The following GFRA1 variants were observed in gnomAD, a reference collection of about 807,000 sequenced individuals.
GFRA1 encodes the protein GDNF family receptor alpha-1.
A neutral mutation model predicts 51.6 loss-of-function variants in GFRA1; 16 were observed. That is an observed-to-expected ratio of 0.31 (90% confidence interval 0.21 to 0.47). GFRA1 has a LOEUF of 0.47. Among genes scored for constraint, GFRA1 ranks in the 20% least tolerant of loss-of-function variants. GFRA1 has a pLI of 1.00. For synonymous variants in GFRA1, 270 were observed against 241.3 expected (o/e 1.12, Z -1.10); for missense variants, 530 against 594.3 (o/e 0.89, Z 1.13).
chr10:116,169,909 T>G (rs1032128871), intron 5 of GFRA1, among the ~76,000 whole-genome samples: 21 of 152,092 alleles, frequency 1.4e-4, no homozygotes, highest in Admixed American at 5.9e-4. Context: ...ACACACACCC[T>G]CTGGGGCTCC....
chr10:116,194,500 T>C (rs76775007), intron 5 of GFRA1, among the ~76,000 whole-genome samples: 4,824 of 152,320 alleles, frequency 0.032, 96 homozygotes, highest in African/African-American at 0.063. Context: ...TTTGTCGATA[T>C]GCAACTAAGT....
rs185063063 is a variant in GFRA1, at chr10:116,128,555, C to A, written c.434-2998G>T. Among the ~76,000 whole-genome samples the A allele has an allele frequency of 2.2e-4, 33 of 152,010 alleles. 2 individuals are homozygous for A. The East Asian group carries it at 6.3e-3, about 29-fold the overall frequency. On this transcript the variant is annotated intron_variant, in intron 5 of 10. Coordinates refer to ENST00000355422, the MANE Select transcript of GFRA1 (RefSeq NM_005264.8). ...CCTGACTAACACAGTGAAACCCCGTCTCTACTAAAAATACAAAAACATTAG... is the reference window on the plus strand; with the variant it reads ...CCTGACTAACACAGTGAAACCCCGTATCTACTAAAAATACAAAAACATTAG...
At chr10:116,068,322 G>C (rs1345666474) in intron 9 of GFRA1, among the ~76,000 whole-genome samples, 2 of 152,192 alleles carry the variant, frequency 1.3e-5, no homozygotes, top group East Asian at 3.8e-4. Flanking sequence ...GAGAGGCTCT[G>C]GAGGAGTTCC....
chr10:116,083,750 T>C (rs537724629), intron 9 of GFRA1, among the ~76,000 whole-genome samples: 22 of 152,332 alleles, frequency 1.4e-4, no homozygotes, highest in Admixed American at 6.5e-5. Flanking sequence ...TGGTCTGGTC[T>C]GGCCCCATCT....
intron 5 of GFRA1, among the ~76,000 whole-genome samples, chr10:116,173,159 A>T (rs1961213402): frequency 2.0e-5 from 3 of 152,190 alleles, no homozygotes; most frequent in African/African-American, 7.2e-5. Context: ...ATCAATACAC[A>T]TTTAAAAGCA....
At chr10:116,089,671 T>C in intron 9 of GFRA1, 70 bp downstream of exon 9, 3 of 1,278,332 alleles carry the variant, frequency 2.3e-6, no homozygotes, top group East Asian at 2.3e-5. Flanking sequence ...TTTCAGAAAA[T>C]GGGTCTGCCC....
At chr10:116,190,715 G>C (rs1466975600) in intron 5 of GFRA1, among the ~76,000 whole-genome samples, 2 of 152,226 alleles carry the variant, frequency 1.3e-5, no homozygotes, top group Non-Finnish European at 2.9e-5. Context: ...AGGAAAAGAA[G>C]AGAAGGAGAA....
rs954755744 is a variant in GFRA1 at position 116,080,387 on chromosome 10, T to A, written c.1197+9354A>T. On this transcript the variant is annotated intron_variant, in intron 9 of 10. Coordinates refer to ENST00000355422, the MANE Select transcript of GFRA1 (RefSeq NM_005264.8). ...ATGAGAAGTTTCACAGTGCTACAAA[T>A]TGGGTGCAGTGTATACTGCCTGGGT... is the stretch of plus-strand genomic sequence containing the variant. Among the ~76,000 whole-genome samples the A allele has an allele frequency of 6.6e-5, 10 of 152,120 alleles. 1 individual carries two copies. The highest frequency in any genetic ancestry group is 1.3e-4 in the Non-Finnish European group (9 of 68,038).
At position 116,060,943 on chromosome 10, in the gene GFRA1, A is replaced by G. The variant is rs547918611; in HGVS notation, c.*3455T>C. 1 of 152,160 alleles carries G rather than the reference A, an allele frequency of 6.6e-6. No homozygotes were observed. Among genetic ancestry groups the G allele is most frequent in the South Asian group, 2.1e-4 (1 of 4,816 alleles). The allele number at this position is 152,160 out of a possible 1,614,324, so 9.4% of individuals were successfully genotyped here. On this transcript the variant is annotated 3_prime_UTR_variant, in exon 11 of 11. Transcript: ENST00000355422. Reference sequence around the variant, plus strand: ...AGAAAAGAATTCGCTAATTATATAAACTCCCACTGCTCTTACATCTCTTTT... The same window carrying G: ...AGAAAAGAATTCGCTAATTATATAAGCTCCCACTGCTCTTACATCTCTTTT...
rs576493512 is a variant in GFRA1 at position 116,173,653 on chromosome 10, C to T, written c.433+37978G>A. ...TTCAGAAAGTCTCCTCTATTCTAAA[C>T]GGAGGCCTAGAAACTGATTCAAAAC... On this transcript the variant is annotated intron_variant, in intron 5 of 10. Coordinates refer to ENST00000355422, the MANE Select transcript of GFRA1 (RefSeq NM_005264.8). Among the ~76,000 whole-genome samples, 12 of 152,276 alleles carry T rather than the reference C, an allele frequency of 7.9e-5. 1 individual carries two copies. In the South Asian group the frequency reaches 2.5e-3, roughly 32 times the overall value.
At chr10:116,259,838 C>T (rs1427301799) in intron 4 of GFRA1, among the ~76,000 whole-genome samples, 1 of 152,152 alleles carries the variant, frequency 6.6e-6, no homozygotes, top group Non-Finnish European at 1.5e-5. Context: ...CTCTCTGATC[C>T]CAGCTTTTCT....
intron 5 of GFRA1, among the ~76,000 whole-genome samples, chr10:116,139,472 C>T (rs1425764561): frequency 6.6e-6 from 1 of 152,224 alleles, no homozygotes; most frequent in African/African-American, 2.4e-5. Flanking sequence ...TGGACTTGTA[C>T]ACTAGCTAGT....
intron 4 of GFRA1, chr10:116,255,742 T>G: frequency 7.8e-7 from 1 of 1,289,130 alleles, no homozygotes; most frequent in South Asian, 1.2e-5. Context: ...CTTCTTTACA[T>G]GGCATTGCAC....
intron 5 of GFRA1, among the ~76,000 whole-genome samples, chr10:116,126,227 G>A (rs1957868558): frequency 6.6e-6 from 1 of 152,244 alleles, no homozygotes; most frequent in Admixed American, 6.5e-5. Flanking sequence ...GGCTCTATGA[G>A]TACTGAGGTT....
At chr10:116,111,600 C>T (rs1411618684) in intron 6 of GFRA1, among the ~76,000 whole-genome samples, 1 of 152,178 alleles carries the variant, frequency 6.6e-6, no homozygotes, top group East Asian at 1.9e-4. Flanking sequence ...CTCCCCTAAG[C>T]CTACTCCCAT....
At chr10:116,240,988 G>C (rs1589902000) in intron 4 of GFRA1, among the ~76,000 whole-genome samples, 1 of 152,242 alleles carries the variant, frequency 6.6e-6, no homozygotes, top group East Asian at 1.9e-4. Context: ...GTTGACATCT[G>C]AAACCAAATC....
At chr10:116,114,449 G>A (rs537248464) in intron 6 of GFRA1, among the ~76,000 whole-genome samples, 15 of 152,366 alleles carry the variant, frequency 9.8e-5, no homozygotes, top group Middle Eastern at 3.4e-3. Flanking sequence ...AAGGCTGAAA[G>A]AGGATGACTA....
intron 4 of GFRA1, among the ~76,000 whole-genome samples, chr10:116,245,755 G>C (rs1479405646): frequency 1.3e-5 from 2 of 152,170 alleles, no homozygotes; most frequent in African/African-American, 2.4e-5. Flanking sequence ...TTATTCAGCA[G>C]TTGAAAAAAG....
chr10:116,089,316 T>TA (rs1475194125), intron 9 of GFRA1, among the ~76,000 whole-genome samples: 2 of 152,290 alleles, frequency 1.3e-5, no homozygotes, highest in Non-Finnish European at 2.9e-5. Context: ...TAGAGACAGT[T>TA]AAATACTCCA....
Sources: gnomAD v4.1 joint callset for allele counts (sites outside exome capture counted in the v4.1 genomes callset) on GRCh38, gnomAD v4.1.1 for gene constraint, MANE v1.5 for transcripts, NCBI Gene and HGNC (gene_info 2026-07-23, HGNC 2026-07-21) for gene names.